The following ADGRD1 variants were observed in gnomAD, a reference collection of about 807,000 sequenced individuals.
The protein encoded by ADGRD1 is G-protein coupled receptor 133.
ADGRD1 carries 77 observed loss-of-function variants against 113.4 expected under a neutral mutation model. The observed-to-expected ratio is 0.68, with a 90% CI of 0.57 to 0.82. The LOEUF is 0.82. Among genes scored for constraint, ADGRD1 ranks in the 40% least tolerant of loss-of-function variants. ADGRD1 has a pLI of 0.00. For missense variants in ADGRD1, 1,036 were observed against 1,139.1 expected, an observed-to-expected ratio of 0.91 and a Z score of 1.30; for synonymous variants, 474 against 475.0, an observed-to-expected ratio of 1.00 and a Z score of 0.03.
intron 2 of ADGRD1, among the ~76,000 whole-genome samples, chr12:130,964,517 C>T (rs1337993113): frequency 6.6e-6 from 1 of 152,086 alleles, no homozygotes; most frequent in Non-Finnish European, 1.5e-5. Flanking sequence ...GAAACCCCGT[C>T]TCTACTAAAA....
chr12:131,058,556 C>T (rs911322236), intron 13 of ADGRD1, among the ~76,000 whole-genome samples: 5 of 152,178 alleles, frequency 3.3e-5, no homozygotes, highest in African/African-American at 1.2e-4. Context: ...TTTTTATGTC[C>T]GGCCTGTTGG....
chr12:131,118,236 C>T, intron 18 of ADGRD1, 149 bp from the exon 19 acceptor site: 1 of 610,934 alleles, frequency 1.6e-6, no homozygotes, highest in South Asian at 2.1e-5. Context: ...AGGGGCTGTT[C>T]TGTGTCCCAA....
intron 13 of ADGRD1, among the ~76,000 whole-genome samples, chr12:131,039,630 C>CT (rs879796962): frequency 1.3e-5 from 2 of 152,176 alleles, no homozygotes; most frequent in Non-Finnish European, 2.9e-5. Context: ...TCTCTGAGTG[C>CT]TTTGCCGTTT....
At chr12:131,002,450 G>A (rs930559751) in intron 9 of ADGRD1, 11 of 902,214 alleles carry the variant, frequency 1.2e-5, no homozygotes, top group South Asian at 5.1e-5. Context: ...TCTGAAGTGC[G>A]TGTTTGTGGG....
intron 24 of ADGRD1, among the ~76,000 whole-genome samples, chr12:131,138,915 A>C (rs1392639533): frequency 6.6e-6 from 1 of 152,082 alleles, no homozygotes; most frequent in Non-Finnish European, 1.5e-5. Flanking sequence ...CAGAGGAGGG[A>C]GTGAGCGCTC....
chr12:131,018,355 T>C (rs534317873), intron 13 of ADGRD1, among the ~76,000 whole-genome samples: 27 of 152,142 alleles, frequency 1.8e-4, no homozygotes, highest in Non-Finnish European at 3.4e-4. Context: ...GCTCGGGTTT[T>C]GGTTAAATCC....
chr12:131,087,687 G>T (rs543533891), intron 15 of ADGRD1, among the ~76,000 whole-genome samples: 1 of 151,496 alleles, frequency 6.6e-6, no homozygotes, highest in African/African-American at 2.4e-5. Flanking sequence ...TTCCCCTAGA[G>T]CAGCTGCCCC....
intron 20 of ADGRD1, among the ~76,000 whole-genome samples, chr12:131,130,508 G>C (rs184259314): frequency 9.3e-4 from 141 of 152,348 alleles, no homozygotes; most frequent in African/African-American, 3.3e-3. Flanking sequence ...CTCCTGCTGA[G>C]AGAGCCCTGG....
chr12:131,078,806 G>A (rs1885845703), intron 14 of ADGRD1, among the ~76,000 whole-genome samples: 4 of 152,124 alleles, frequency 2.6e-5, no homozygotes, highest in African/African-American at 9.7e-5. Context: ...CCACCATCAT[G>A]AATATAGTAT....
intron 4 of ADGRD1, chr12:130,976,755 C>T (rs1167304582): frequency 2.6e-5 from 4 of 151,998 alleles, no homozygotes; most frequent in African/African-American, 9.7e-5. Flanking sequence ...GACACAGTGG[C>T]TCACACCTGT....
intron 8 of ADGRD1, chr12:130,993,954 C>T (rs546223109): frequency 9.2e-5 from 15 of 163,830 alleles, no homozygotes; most frequent in African/African-American, 3.5e-4. Flanking sequence ...ACTCCCTCCT[C>T]GTCAGGGGGA....
intron 13 of ADGRD1, chr12:131,035,122 T>A (rs1232167492): frequency 6.5e-6 from 1 of 153,090 alleles, no homozygotes; most frequent in African/African-American, 2.4e-5. Flanking sequence ...GTCCGTGCCC[T>A]CACCTCCGGG....
chr12:131,100,023 GT>G (rs755552192), intron 15 of ADGRD1, among the ~76,000 whole-genome samples: 2 of 152,178 alleles, frequency 1.3e-5, no homozygotes, highest in Non-Finnish European at 2.9e-5. Context: ...TTGACAGTAG[GT>G]TGGTTGAGGG....
chr12:131,092,113 G>A (rs1438436057), intron 15 of ADGRD1: 1 of 152,324 alleles, frequency 6.6e-6, no homozygotes, highest in African/African-American at 2.4e-5. Context: ...AGGTAGGTGG[G>A]AGCTCAACTT....
intron 13 of ADGRD1, chr12:131,070,784 C>T (rs10744491): frequency 9.6e-6 from 5 of 518,230 alleles, no homozygotes; most frequent in Non-Finnish European, 1.5e-5. Context: ...GCTGATTGGA[C>T]TGTGGAGTAC....
intron 13 of ADGRD1, among the ~76,000 whole-genome samples, chr12:131,018,273 T>C (rs1359432202): frequency 6.6e-6 from 1 of 152,164 alleles, no homozygotes; most frequent in Non-Finnish European, 1.5e-5. Flanking sequence ...CGTGGTTAGA[T>C]TGCAGGGCTG....
chr12:131,124,668 C>T (rs961429940), intron 20 of ADGRD1, among the ~76,000 whole-genome samples: 3 of 105,442 alleles, frequency 2.8e-5, no homozygotes, highest in African/African-American at 8.6e-5. Context: ...ACACACTGCC[C>T]ACCGCCCCTT....
At chr12:131,074,792 G>T (rs547028117) in intron 13 of ADGRD1, among the ~76,000 whole-genome samples, 1 of 152,200 alleles carries the variant, frequency 6.6e-6, no homozygotes, top group Non-Finnish European at 1.5e-5. Context: ...GGAGGGGAGG[G>T]AGTTTCCCCG....
At chr12:131,039,749 A>G (rs538126731) in intron 13 of ADGRD1, among the ~76,000 whole-genome samples, 1 of 152,370 alleles carries the variant, frequency 6.6e-6, no homozygotes, top group African/African-American at 2.4e-5. Context: ...GCCCAGGCTC[A>G]CGCTGGGAAA....
Sources: gnomAD v4.1 joint callset for allele counts (sites outside exome capture counted in the v4.1 genomes callset) on GRCh38, gnomAD v4.1.1 for gene constraint, MANE v1.5 for transcripts, NCBI Gene and HGNC (gene_info 2026-07-23, HGNC 2026-07-21) for gene names.